Variants in CDS1 observed in about 807,000 individuals in gnomAD.
CDS1 encodes the protein CDP-diacylglycerol synthase 1.
CDS1 carries 41 observed loss-of-function variants against 62.1 expected under a neutral mutation model. The ratio of observed to expected loss-of-function variants is 0.66; its 90% CI spans 0.51 to 0.86. The LOEUF (loss-of-function observed/expected upper bound fraction) is 0.86. Among genes scored for constraint, CDS1 ranks in the 40% least tolerant of loss-of-function variants. CDS1 has a pLI of 0.00. For synonymous variants in CDS1, 185 were observed against 192.6 expected (o/e 0.96, Z 0.32); for missense variants, 470 against 550.1 (o/e 0.85, Z 1.46).
intron 1 of CDS1, among the ~76,000 whole-genome samples, chr4:84,599,547 G>A (rs763105717): frequency 2.0e-5 from 3 of 150,120 alleles, no homozygotes; most frequent in Non-Finnish European, 3.0e-5. Context: ...CCTTAGACAC[G>A]TACTAATCTG....
At chr4:84,605,099 C>T (rs7654064) in intron 2 of CDS1, among the ~76,000 whole-genome samples, 1,929 of 152,138 alleles carry the variant, frequency 0.013, 48 homozygotes, top group African/African-American at 0.044. Flanking sequence ...GCAAAGTAAA[C>T]CTAAGCTTTT....
chr4:84,636,045 C>T lies in CDS1; in HGVS notation c.810+694C>T, dbSNP rs75142008. Among the ~76,000 whole-genome samples the T allele has an allele frequency of 3.6e-3, 542 of 152,186 alleles. 1 individual carries two copies. Among genetic ancestry groups the T allele is most frequent in the African/African-American group, 0.013 (520 of 41,538 alleles). ...GTACTGGGATTAAAGGCGTGAGCCA[C>T]CGCCCCTGGGCTCTGTGGTTTTTTC... is the stretch of plus-strand genomic sequence containing the variant. On this transcript the variant is annotated intron_variant, in intron 8 of 12. Transcript: ENST00000295887.
At chr4:84,632,893 G>A (rs1351673284) in intron 6 of CDS1, among the ~76,000 whole-genome samples, 1 of 152,232 alleles carries the variant, frequency 6.6e-6, no homozygotes, top group Non-Finnish European at 1.5e-5. Context: ...GGAGGCCAAG[G>A]CAGGCGGATA....
intron 3 of CDS1, among the ~76,000 whole-genome samples, chr4:84,615,336 G>A (rs571599936): frequency 1.3e-5 from 2 of 151,904 alleles, no homozygotes; most frequent in Admixed American, 1.3e-4. Flanking sequence ...TCTTGTCACC[G>A]CCCCAGCCCA....
intron 5 of CDS1, among the ~76,000 whole-genome samples, chr4:84,622,561 C>G (rs533150489): frequency 1.3e-5 from 2 of 152,154 alleles, no homozygotes; most frequent in Admixed American, 1.3e-4. Context: ...CCGCTGCACT[C>G]CAGCCTGGGC....
At position 84,609,048 on chromosome 4, in the gene CDS1, G is replaced by A. The variant is rs549579705; in HGVS notation, c.246-381G>A. ...AAAACAATTAGCCGGGTGTGGTGGC[G>A]GGCACCTGTGGTCCCAGCTACTCGG... On this transcript the variant is annotated intron_variant, in intron 2 of 12. Coordinates refer to ENST00000295887, the MANE Select transcript of CDS1 (RefSeq NM_001263.4). 4.5e-4 allele frequency among the ~76,000 whole-genome samples: 68 copies of A among 151,604 alleles called. No homozygotes were observed. In the South Asian group the frequency reaches 0.01, roughly 23 times the overall value.
chr4:84,599,374 A>G (rs1288664943), intron 1 of CDS1, among the ~76,000 whole-genome samples: 1 of 140,394 alleles, frequency 7.1e-6, no homozygotes, highest in Non-Finnish European at 1.5e-5. Flanking sequence ...TCCATAGCAA[A>G]TATAATTTGG....
In CDS1 at chr4:84,648,602, A is replaced by G. The variant is rs768743651; in HGVS notation, c.1302A>G (p.Gln434=). The G allele has an allele frequency of 2.5e-6, 4 of 1,613,970 alleles. No homozygotes were observed. The highest frequency in any genetic ancestry group is 4.5e-5 in the East Asian group (2 of 44,862). The change falls in exon 13 of 13, where the codon CAA becomes CAG. Residue 434 remains glutamine, a synonymous_variant. Transcript: ENST00000295887. ...SKVLQQLLVL[Q]PEQQLNIYKT... Reference sequence around the variant, plus strand: ...TGCTACAGCAGTTGTTGGTGCTTCAACCTGAACAGCAGTTAAATATATATA... The same window carrying G: ...TGCTACAGCAGTTGTTGGTGCTTCAGCCTGAACAGCAGTTAAATATATATA...
intron 7 of CDS1, among the ~76,000 whole-genome samples, chr4:84,634,184 T>G (rs1254971849): frequency 6.6e-6 from 1 of 152,138 alleles, no homozygotes; most frequent in African/African-American, 2.4e-5. Flanking sequence ...ACCCAAAAAA[T>G]TAATTACATT....
chr4:84,629,058 A>G (rs1190909900), intron 5 of CDS1, among the ~76,000 whole-genome samples: 1 of 152,162 alleles, frequency 6.6e-6, no homozygotes, highest in Admixed American at 6.5e-5. Flanking sequence ...ACTACAACAC[A>G]TTCTGTGATT....
rs566892240 is a variant in CDS1 at position 84,587,583 on chromosome 4, A to C, written c.117+4065A>C. Among the ~76,000 whole-genome samples, 5 of 152,286 alleles carry C rather than the reference A, an allele frequency of 3.3e-5. No homozygotes were observed. The South Asian group carries it at 8.3e-4, about 25-fold the overall frequency. Reference sequence around the variant, plus strand: ...AGGGAAGTGGGCTGGTGAAGATCTAATGGGTTGAGTGGGAATGAGTATTGA... The same window carrying C: ...AGGGAAGTGGGCTGGTGAAGATCTACTGGGTTGAGTGGGAATGAGTATTGA... On this transcript the variant is annotated intron_variant, in intron 1 of 12. Coordinates refer to ENST00000295887, the MANE Select transcript of CDS1 (RefSeq NM_001263.4).
intron 1 of CDS1, among the ~76,000 whole-genome samples, chr4:84,588,880 C>T (rs776632975): frequency 3.9e-5 from 6 of 152,106 alleles, no homozygotes. Context: ...AATTCAGTCC[C>T]CTCTCATAAT....
rs118099717 is a variant in CDS1, at chr4:84,604,268, G to C, written c.143G>C (p.Gly48Ala). The C allele has an allele frequency of 1.4e-3, 2,295 of 1,612,064 alleles. 7 individuals are homozygous for C. The highest frequency in any genetic ancestry group is 4.4e-3 in the South Asian group (402 of 90,560). ...DKETDIDDRY[G>A]DLDSRTDSDI... ...GAAACAGATATTGATGACAGATATG[G>C]AGATTTGGATTCCAGAACAGATTCT... The change falls in exon 2 of 13, where the codon GGA becomes GCA. Residue 48 changes from glycine (G) to alanine (A), a missense_variant. This residue lies in a region of CDS1 where 150 missense variants were observed against 142.0 expected (regional missense o/e 1.06). Coordinates refer to ENST00000295887, the MANE Select transcript of CDS1 (RefSeq NM_001263.4).
chr4:84,609,760 A>T (rs1723258779), intron 3 of CDS1, among the ~76,000 whole-genome samples: 1 of 152,236 alleles, frequency 6.6e-6, no homozygotes, highest in African/African-American at 2.4e-5. Flanking sequence ...TAACAGGTAC[A>T]TATCTATGTG....
intron 5 of CDS1, among the ~76,000 whole-genome samples, chr4:84,623,866 G>A (rs1248329486): frequency 4.6e-5 from 7 of 151,992 alleles, no homozygotes; most frequent in Non-Finnish European, 1.0e-4. Context: ...AGTTCGTGCC[G>A]CTTGCTGACT....
At position 84,640,712 on chromosome 4, in the gene CDS1, A is replaced by AC. The variant is rs1360230557; in HGVS notation, c.880-125dup. The AC allele has an allele frequency of 1.6e-5, 11 of 708,046 alleles. No homozygotes were observed. The South Asian group carries it at 4.9e-4, about 32-fold the overall frequency. 43.9% of individuals were successfully genotyped at this position (708,046 alleles called of 1,614,324 possible). The stretch of plus-strand genomic sequence containing the variant: ...TGAAAATACATAGCAAAATATTAAG[A>AC]CAAAGAAATTCTGGCATTCTATCTC... On this transcript the variant is annotated intron_variant, in intron 9 of 12. Coordinates refer to ENST00000295887, the MANE Select transcript of CDS1 (RefSeq NM_001263.4).
At chr4:84,606,552 A>G (rs533564808) in intron 2 of CDS1, among the ~76,000 whole-genome samples, 118 of 152,292 alleles carry the variant, frequency 7.7e-4, no homozygotes, top group African/African-American at 2.5e-3. Flanking sequence ...GTATATTACT[A>G]AATGTTCACA....
intron 1 of CDS1, among the ~76,000 whole-genome samples, chr4:84,585,003 C>T (rs1368936427): frequency 2.6e-5 from 4 of 152,214 alleles, no homozygotes; most frequent in African/African-American, 9.6e-5. Flanking sequence ...ACCAGCTTCT[C>T]TATGCTGACT....
intron 3 of CDS1, among the ~76,000 whole-genome samples, chr4:84,615,616 C>T (rs572322970): frequency 6.6e-6 from 1 of 152,266 alleles, no homozygotes; most frequent in Admixed American, 6.5e-5. Context: ...TCTGCCTCTA[C>T]ACACGTCCAT....
Sources: allele counts gnomAD v4.1 joint callset (sites outside exome capture counted in the v4.1 genomes callset), GRCh38; gene constraint gnomAD v4.1.1; regional missense constraint gnomAD v4.1.1; transcripts MANE v1.5; gene names NCBI Gene and HGNC (gene_info 2026-07-23, HGNC 2026-07-21).